Variants in DCTN5 observed in about 807,000 individuals in gnomAD.
The protein encoded by DCTN5 is dynactin subunit 5.
A neutral mutation model predicts 23.5 loss-of-function variants in DCTN5; 14 were observed. That is an observed-to-expected ratio of 0.60 (90% CI 0.39 to 0.93). DCTN5 has a LOEUF of 0.93. Ranked by LOEUF, DCTN5 falls within the 40% of genes least tolerant of loss-of-function variation. DCTN5 has a pLI of 0.00. For missense variants in DCTN5, 156 were observed against 225.9 expected, an observed-to-expected ratio of 0.69 and a Z score of 1.98; for synonymous variants, 67 against 79.6, an observed-to-expected ratio of 0.84 and a Z score of 0.84.
At chr16:23,646,579 T>A (rs889643756) in intron 2 of DCTN5, among the ~76,000 whole-genome samples, 1 of 152,144 alleles carries the variant, frequency 6.6e-6, no homozygotes, top group Non-Finnish European at 1.5e-5. Context: ...GAGTTAATTT[T>A]TTTTTTTGTT....
intron 2 of DCTN5, among the ~76,000 whole-genome samples, chr16:23,655,176 A>C (rs900577385): frequency 6.6e-6 from 1 of 152,124 alleles, no homozygotes; most frequent in African/African-American, 2.4e-5. Flanking sequence ...TCCTTTTTAT[A>C]GCTAAATATT....
intron 2 of DCTN5, among the ~76,000 whole-genome samples, chr16:23,646,365 C>A (rs1181280004): frequency 2.6e-5 from 4 of 151,992 alleles, no homozygotes; most frequent in South Asian, 4.1e-4. Context: ...CAAATGCTTT[C>A]TTCCTTTCTG....
At chr16:23,653,864 C>T (rs1392339125) in intron 2 of DCTN5, among the ~76,000 whole-genome samples, 1 of 152,122 alleles carries the variant, frequency 6.6e-6, no homozygotes, top group East Asian at 1.9e-4. Flanking sequence ...TAGAAAACAA[C>T]CCCATTTAAA....
chr16:23,642,230 G>A (rs1037869395), intron 1 of DCTN5, among the ~76,000 whole-genome samples: 8 of 152,180 alleles, frequency 5.3e-5, no homozygotes, highest in Non-Finnish European at 1.0e-4. Flanking sequence ...ACCGCACCCT[G>A]CCGATTTGGT....
At position 23,651,037 on chromosome 16, in the gene DCTN5, G is replaced by A. The variant is rs769682405; in HGVS notation, c.118-7470G>A. ...TGCAAGATGTTCCACTACTCAAATA[G>A]TAATGTTTAATTTTAAATGATTTGT... On this transcript the variant is annotated intron_variant, in intron 2 of 5. Transcript: ENST00000300087. 158 of 1,385,108 alleles carry A rather than the reference G, an allele frequency of 1.1e-4. 1 individual carries two copies. The highest frequency in any genetic ancestry group is 1.5e-4 in the Non-Finnish European group (156 of 1,070,206). The allele number at this position is 1,385,108 out of a possible 1,614,324, so 85.8% of individuals were successfully genotyped here.
At chr16:23,647,643 T>C (rs2140973974) in intron 2 of DCTN5, among the ~76,000 whole-genome samples, 1 of 151,674 alleles carries the variant, frequency 6.6e-6, no homozygotes, top group South Asian at 2.1e-4. Flanking sequence ...CAGTACCTGG[T>C]ATTACAGTTG....
At chr16:23,663,371 C>T (rs1301002913) in intron 4 of DCTN5, among the ~76,000 whole-genome samples, 1 of 152,178 alleles carries the variant, frequency 6.6e-6, no homozygotes, top group South Asian at 2.1e-4. Flanking sequence ...GTATTAGCAG[C>T]ACGGCTGCAG....
chr16:23,649,982 G>A (rs995500934), intron 2 of DCTN5, among the ~76,000 whole-genome samples: 4 of 151,920 alleles, frequency 2.6e-5, no homozygotes, highest in Non-Finnish European at 4.4e-5. Flanking sequence ...GAATGTTCTC[G>A]TCACCTTTGT....
At chr16:23,659,016 C>G (rs7196441) in intron 3 of DCTN5, among the ~76,000 whole-genome samples, 1,667 of 152,160 alleles carry the variant, frequency 0.011, 28 homozygotes, top group African/African-American at 0.038. Flanking sequence ...TCTATACTGC[C>G]CTTCTCTCTG....
chr16:23,662,277 G>C (rs565739943), intron 4 of DCTN5, among the ~76,000 whole-genome samples: 27 of 152,132 alleles, frequency 1.8e-4, no homozygotes, highest in Non-Finnish European at 2.9e-5. Flanking sequence ...CGTAAGGAAG[G>C]GTTCAAGTCA....
At chr16:23,663,680 C>T (rs166176) in intron 4 of DCTN5, among the ~76,000 whole-genome samples, 3 of 151,442 alleles carry the variant, frequency 2.0e-5, no homozygotes, top group African/African-American at 4.8e-5. Flanking sequence ...CGCGCCACTG[C>T]ACTCCAGCCT....
rs910281965 is a variant in DCTN5, at chr16:23,658,434, C to T, written c.118-73C>T. The T allele has an allele frequency of 3.5e-5, 33 of 949,436 alleles. 1 individual carries two copies. The highest frequency in any genetic ancestry group is 1.3e-4 in the African/African-American group (8 of 61,880). The allele number at this position is 949,436 out of a possible 1,614,324, so 58.8% of individuals were successfully genotyped here. On this transcript the variant is annotated intron_variant, in intron 2 of 5. Coordinates refer to ENST00000300087, the MANE Select transcript of DCTN5 (RefSeq NM_032486.4). The stretch of plus-strand genomic sequence containing the variant: ...TTGTAACATAACTCAGAATCAGTAT[C>T]TCGTTATCTACTCTTTTTTTGTTAC...
intron 2 of DCTN5, among the ~76,000 whole-genome samples, chr16:23,653,341 G>C (rs1482498349): frequency 2.0e-5 from 3 of 152,034 alleles, no homozygotes; most frequent in Admixed American, 2.0e-4. Context: ...GCGTGTTGCT[G>C]GTACAAGAAC....
Position 23,650,487 on chromosome 16 carries a change from T to TC in DCTN5, c.117+7464_117+7465insC, listed in dbSNP as rs1400879152. On this transcript the variant is annotated intron_variant, in intron 2 of 5. Coordinates refer to ENST00000300087, the MANE Select transcript of DCTN5 (RefSeq NM_032486.4). ...TCCCACCACACCTGGCTAATTTTTT[T>TC]TTTTTTTTTTGTATTTTTAGTAGAG... Among the ~76,000 whole-genome samples, 3 of 151,168 alleles carry TC rather than the reference T, an allele frequency of 2.0e-5. No individual in the cohort carries two copies. The East Asian group carries it at 5.9e-4, about 29-fold the overall frequency.
intron 3 of DCTN5, among the ~76,000 whole-genome samples, chr16:23,660,095 A>T (rs554912153): frequency 3.3e-5 from 5 of 152,222 alleles, no homozygotes; most frequent in African/African-American, 4.8e-5. Flanking sequence ...TCGAACTTGG[A>T]ATCTTAAATT....
rs1239403981 is a variant in DCTN5, at chr16:23,670,730, G to T, written c.*3586G>T. 1 of 152,188 alleles carries T rather than the reference G, an allele frequency of 6.6e-6. No homozygotes were observed. The highest frequency in any genetic ancestry group is 1.5e-5 in the Non-Finnish European group (1 of 68,036). 9.4% of individuals were successfully genotyped at this position (152,188 alleles called of 1,614,324 possible). A position where few individuals can be genotyped will look rare whatever the true frequency, so the allele number is the denominator to read the frequency against. On this transcript the variant is annotated 3_prime_UTR_variant, in exon 6 of 6. Transcript: ENST00000300087. Reference sequence around the variant, plus strand: ...TTTTCAGAACTGGTCTCAGCAAAATGTCTCGCCAACTTCTACAGTTCCCAT... The same window carrying T: ...TTTTCAGAACTGGTCTCAGCAAAATTTCTCGCCAACTTCTACAGTTCCCAT...
chr16:23,644,294 ATTTT>A (rs534821955), intron 2 of DCTN5, among the ~76,000 whole-genome samples: 9 of 97,350 alleles, frequency 9.2e-5, no homozygotes, highest in South Asian at 3.5e-4. Context: ...TGCCCACCTA[ATTTT>A]TTTTTTTTTT....
At chr16:23,658,769 G>A (rs1184377636) in intron 3 of DCTN5, 144 bp downstream of exon 3, 10 of 682,060 alleles carry the variant, frequency 1.5e-5, no homozygotes, top group Non-Finnish European at 2.6e-5. Flanking sequence ...ACACAACTCT[G>A]CTGGTGGTTG....
intron 4 of DCTN5, 112 bp downstream of exon 4, chr16:23,661,393 T>G: frequency 2.7e-6 from 2 of 731,504 alleles, no homozygotes; most frequent in Non-Finnish European, 4.5e-6. Flanking sequence ...TGGTTTCCAG[T>G]CTTCCCAGAG....
Sources: gnomAD v4.1 joint callset for allele counts (sites outside exome capture counted in the v4.1 genomes callset) on GRCh38, gnomAD v4.1.1 for gene constraint, MANE v1.5 for transcripts, NCBI Gene and HGNC (gene_info 2026-07-23, HGNC 2026-07-21) for gene names.